The following SLC25A17 variants were observed in gnomAD, a reference collection of about 807,000 sequenced individuals.
SLC25A17 encodes peroxisomal membrane protein PMP34.
A neutral mutation model predicts 38.5 loss-of-function variants in SLC25A17; 26 were observed. The ratio of observed to expected loss-of-function variants is 0.68; its 90% CI spans 0.50 to 0.94. SLC25A17 has a LOEUF of 0.94. SLC25A17 is among the 40% of genes least tolerant of loss of function. SLC25A17 has a pLI of 0.00. For missense variants in SLC25A17, 333 were observed against 372.7 expected (o/e 0.89, Z 0.88); for synonymous variants, 139 against 136.2 (o/e 1.02, Z -0.14).
intron 7 of SLC25A17, chr22:40,776,138 C>T: frequency 3.4e-6 from 1 of 292,296 alleles, no homozygotes; most frequent in Non-Finnish European, 6.8e-6. Flanking sequence ...AAATAATTTC[C>T]TTTATAGTTC....
At chr22:40,794,488 C>G in intron 3 of SLC25A17, 26 bp downstream of exon 3, 2 of 1,495,786 alleles carry the variant, frequency 1.3e-6, no homozygotes, top group Non-Finnish European at 1.9e-6. Flanking sequence ...GTTGCTTTAA[C>G]GAAGGTGAAC....
At chr22:40,790,994 G>A (rs760246145) in intron 4 of SLC25A17, among the ~76,000 whole-genome samples, 8 of 152,064 alleles carry the variant, frequency 5.3e-5, no homozygotes, top group Non-Finnish European at 8.8e-5. Flanking sequence ...TCTTTGAGTC[G>A]TGATACTCTT....
At chr22:40,780,615 T>C (rs906471655) in intron 4 of SLC25A17, among the ~76,000 whole-genome samples, 2 of 152,082 alleles carry the variant, frequency 1.3e-5, no homozygotes, top group African/African-American at 4.8e-5. Flanking sequence ...GCCAGAAAAA[T>C]CAGACTAGAA....
chr22:40,814,709 C>T lies in SLC25A17; in HGVS notation c.54+4486G>A, dbSNP rs1046896065. Among the ~76,000 whole-genome samples, 7 of 149,806 alleles carry T rather than the reference C, an allele frequency of 4.7e-5. No individual in the cohort carries two copies. In the South Asian group the frequency reaches 1.1e-3, roughly 23 times the overall value. On this transcript the variant is annotated intron_variant, in intron 1 of 8. Coordinates refer to ENST00000435456, the MANE Select transcript of SLC25A17 (RefSeq NM_006358.4). ...AAGTCAGAGTTGACCTTTGGAAGAACAGTTCCAGTGGTCAAAGTAGGATGA... is the reference window on the plus strand; with the variant it reads ...AAGTCAGAGTTGACCTTTGGAAGAATAGTTCCAGTGGTCAAAGTAGGATGA...
At chr22:40,808,612 T>C (rs1261433422) in intron 1 of SLC25A17, among the ~76,000 whole-genome samples, 1 of 152,034 alleles carries the variant, frequency 6.6e-6, no homozygotes, top group Admixed American at 6.5e-5. Context: ...GAATTAAGAG[T>C]GGTTTCCATT....
At chr22:40,793,505 A>T (rs1045139350) in intron 3 of SLC25A17, among the ~76,000 whole-genome samples, 2 of 152,208 alleles carry the variant, frequency 1.3e-5, no homozygotes, top group African/African-American at 4.8e-5. Context: ...AAGATGTGAT[A>T]TCTTGAGAAG....
chr22:40,779,204 A>C (rs758486561), intron 4 of SLC25A17, 79 bp from the exon 5 acceptor site: 4 of 1,606,736 alleles, frequency 2.5e-6, no homozygotes, highest in Non-Finnish European at 3.4e-6. Context: ...GCTACATACC[A>C]ATATTCCATT....
chr22:40,799,241 T>A (rs1215919015), intron 1 of SLC25A17, among the ~76,000 whole-genome samples, 158 bp from the exon 2 acceptor site: 2 of 151,930 alleles, frequency 1.3e-5, no homozygotes, highest in Non-Finnish European at 2.9e-5. Flanking sequence ...CCACCTCAGC[T>A]TCTCAAGTAG....
chr22:40,794,441 G>T, intron 3 of SLC25A17, 73 bp downstream of exon 3: 1 of 874,554 alleles, frequency 1.1e-6, no homozygotes, highest in South Asian at 1.4e-5. Flanking sequence ...TAGAAAGTAA[G>T]CATAACTCTA....
At chr22:40,796,350 A>C (rs1486469174) in intron 2 of SLC25A17, among the ~76,000 whole-genome samples, 1 of 152,140 alleles carries the variant, frequency 6.6e-6, no homozygotes, top group African/African-American at 2.4e-5. Flanking sequence ...TATAGAAGGC[A>C]ATCTGAGGCT....
intron 1 of SLC25A17, among the ~76,000 whole-genome samples, chr22:40,800,482 T>C (rs1191832121): frequency 6.6e-6 from 1 of 152,222 alleles, no homozygotes; most frequent in African/African-American, 2.4e-5. Context: ...CACTGTAACC[T>C]TGAACTCCTG....
intron 1 of SLC25A17, 22 bp downstream of exon 1, chr22:40,819,173 G>C: frequency 6.2e-7 from 1 of 1,612,908 alleles, no homozygotes; most frequent in Non-Finnish European, 8.5e-7. Context: ...GTTGCGGCCC[G>C]GGCGTAAAGA....
intron 4 of SLC25A17, among the ~76,000 whole-genome samples, chr22:40,790,883 C>T (rs2145673082): frequency 6.6e-6 from 1 of 152,302 alleles, no homozygotes; most frequent in Admixed American, 6.5e-5. Context: ...GAAGATCCCA[C>T]TAGATTGCCA....
At chr22:40,778,976 C>A (rs1205442697) in intron 5 of SLC25A17, 33 bp downstream of exon 5, 1 of 1,563,576 alleles carries the variant, frequency 6.4e-7, no homozygotes, top group Non-Finnish European at 8.8e-7. Context: ...GGAAGAAAAC[C>A]CTTAAATAGG....
chr22:40,785,733 A>T (rs2057332382), intron 4 of SLC25A17, among the ~76,000 whole-genome samples: 1 of 152,100 alleles, frequency 6.6e-6, no homozygotes. Context: ...TTTCTAAGAG[A>T]CAGGGTCTCA....
intron 7 of SLC25A17, among the ~76,000 whole-genome samples, chr22:40,774,772 CTTATG>C (rs1445182113): frequency 6.6e-6 from 1 of 152,110 alleles, no homozygotes; most frequent in African/African-American, 2.4e-5. Flanking sequence ...ACTGAATTCC[CTTATG>C]TTAAGTACCA....
At chr22:40,771,668 A>G (rs929678992) in intron 8 of SLC25A17, among the ~76,000 whole-genome samples, 1 of 152,158 alleles carries the variant, frequency 6.6e-6, no homozygotes, top group Non-Finnish European at 1.5e-5. Context: ...AAACAATTGA[A>G]CTCATGGAGA....
At chr22:40,815,546 T>C (rs1737755420) in intron 1 of SLC25A17, among the ~76,000 whole-genome samples, 1 of 152,200 alleles carries the variant, frequency 6.6e-6, no homozygotes, top group African/African-American at 2.4e-5. Flanking sequence ...CAAGAGAACA[T>C]TTCAATTCCC....
At chr22:40,782,195 G>A (rs1257707411) in intron 4 of SLC25A17, among the ~76,000 whole-genome samples, 3 of 151,290 alleles carry the variant, frequency 2.0e-5, no homozygotes, top group Non-Finnish European at 2.9e-5. Flanking sequence ...ACTCCAGCCC[G>A]GGTGTCAGAG....
Sources: allele counts gnomAD v4.1 joint callset (sites outside exome capture counted in the v4.1 genomes callset), GRCh38; gene constraint gnomAD v4.1.1; transcripts MANE v1.5; gene names NCBI Gene and HGNC (gene_info 2026-07-23, HGNC 2026-07-21).